AFG1L: variants seen among roughly 807,000 people sequenced by gnomAD.
AFG1L encodes the protein AFG1 like ATPase.
Under a neutral mutation model 62.2 loss-of-function variants are expected in AFG1L, and 53 were observed. The ratio of observed to expected loss-of-function variants is 0.85; its 90% CI spans 0.68 to 1.07. The LOEUF (loss-of-function observed/expected upper bound fraction) is 1.07, where lower values mean the gene tolerates loss of function less well. Ranked by LOEUF, AFG1L falls within the 50% of genes least tolerant of loss-of-function variation. The pLI is 0.00. For missense variants in AFG1L, 555 were observed against 590.5 expected (o/e 0.94, Z 0.62); for synonymous variants, 228 against 210.3 (o/e 1.08, Z -0.73).
intron 10 of AFG1L, among the ~76,000 whole-genome samples, chr6:108,498,835 C>T (rs1289770513): frequency 1.3e-5 from 2 of 151,810 alleles, no homozygotes; most frequent in African/African-American, 4.8e-5. Context: ...ATTAGACAGG[C>T]GTGTGGCATG....
chr6:108,518,037 C>T (rs1774972337), intron 11 of AFG1L, among the ~76,000 whole-genome samples: 1 of 152,188 alleles, frequency 6.6e-6, no homozygotes, highest in African/African-American at 2.4e-5. Flanking sequence ...GAAATAGGAA[C>T]ACTTTACACT....
At chr6:108,322,701 A>G (rs1191913925) in intron 1 of AFG1L, among the ~76,000 whole-genome samples, 1 of 152,228 alleles carries the variant, frequency 6.6e-6, no homozygotes, top group Non-Finnish European at 1.5e-5. Flanking sequence ...TTTTTGCTAA[A>G]GTAATTTTTA....
chr6:108,323,106 C>T (rs924586313), intron 1 of AFG1L, among the ~76,000 whole-genome samples: 9 of 152,130 alleles, frequency 5.9e-5, no homozygotes, highest in Admixed American at 2.6e-4. Context: ...AATTAAGGAA[C>T]AGTGGAAAAC....
intron 5 of AFG1L, among the ~76,000 whole-genome samples, chr6:108,364,942 G>C (rs1779695276): frequency 6.7e-6 from 1 of 150,000 alleles, no homozygotes; most frequent in East Asian, 2.0e-4. Flanking sequence ...GATATTAGCT[G>C]TAAAAAGAAA....
chr6:108,395,828 G>C (rs942074034), intron 6 of AFG1L, among the ~76,000 whole-genome samples: 17 of 151,282 alleles, frequency 1.1e-4, no homozygotes, highest in African/African-American at 4.1e-4. Flanking sequence ...GAGAGAGAGA[G>C]GGAGAGAGAT....
chr6:108,345,565 G>A (rs1419323052), intron 2 of AFG1L, among the ~76,000 whole-genome samples: 1 of 152,070 alleles, frequency 6.6e-6, no homozygotes, highest in Admixed American at 6.6e-5. Flanking sequence ...GCCCAGGCTA[G>A]AGCTCAAACA....
intron 1 of AFG1L, among the ~76,000 whole-genome samples, chr6:108,298,339 C>A (rs932166289): frequency 6.8e-6 from 1 of 147,306 alleles, no homozygotes; most frequent in African/African-American, 2.5e-5. Context: ...GATCTCTGCT[C>A]ATTGCAACCT....
intron 1 of AFG1L, among the ~76,000 whole-genome samples, chr6:108,309,274 G>A (rs1487509290): frequency 6.6e-6 from 1 of 151,728 alleles, no homozygotes; most frequent in Non-Finnish European, 1.5e-5. Flanking sequence ...TTTTTTTTCT[G>A]GGCTACTGCA....
chr6:108,495,124 A>ATAGTCT (rs1011910235), intron 10 of AFG1L, among the ~76,000 whole-genome samples: 5 of 152,148 alleles, frequency 3.3e-5, no homozygotes, highest in Admixed American at 3.3e-4. Context: ...GCACATAAAA[A>ATAGTCT]TAGTCTTAAC....
intron 7 of AFG1L, among the ~76,000 whole-genome samples, chr6:108,412,147 G>A (rs1299416433): frequency 2.0e-5 from 3 of 152,158 alleles, no homozygotes; most frequent in Admixed American, 2.0e-4. Flanking sequence ...ATTTGATCAA[G>A]TGGAAGAAAG....
chr6:108,374,755 T>C (rs2114529911), intron 6 of AFG1L, among the ~76,000 whole-genome samples: 1 of 152,258 alleles, frequency 6.6e-6, no homozygotes, highest in African/African-American at 2.4e-5. Context: ...AGTTTGAAGT[T>C]GGTTAATGTG....
intron 6 of AFG1L, among the ~76,000 whole-genome samples, chr6:108,392,817 A>G (rs1387618294): frequency 1.3e-5 from 2 of 152,120 alleles, no homozygotes; most frequent in African/African-American, 2.4e-5. Flanking sequence ...ACCTCCTTTA[A>G]CAACATGTTT....
intron 2 of AFG1L, among the ~76,000 whole-genome samples, chr6:108,334,998 T>C (rs1022080796): frequency 4.0e-5 from 6 of 151,700 alleles, no homozygotes; most frequent in Non-Finnish European, 5.9e-5. Context: ...TTTCTTTCTT[T>C]CTTTTTTTTT....
intron 10 of AFG1L, among the ~76,000 whole-genome samples, chr6:108,496,075 C>T (rs111397304): frequency 6.6e-6 from 1 of 152,116 alleles, no homozygotes; most frequent in Non-Finnish European, 1.5e-5. Context: ...ATTCATAGGG[C>T]ACAATGCATG....
At chr6:108,424,107 G>T (rs1770715130) in intron 7 of AFG1L, among the ~76,000 whole-genome samples, 3 of 151,818 alleles carry the variant, frequency 2.0e-5, no homozygotes, top group Admixed American at 2.0e-4. Flanking sequence ...TGGTTTCCAT[G>T]ATGTAACAGA....
At chr6:108,385,638 G>T (rs9320263) in intron 6 of AFG1L, among the ~76,000 whole-genome samples, 1 of 151,966 alleles carries the variant, frequency 6.6e-6, no homozygotes, top group Non-Finnish European at 1.5e-5. Context: ...ATTTCTGTAC[G>T]TGTGTCTTTA....
chr6:108,386,307 C>T (rs530477503), intron 6 of AFG1L, among the ~76,000 whole-genome samples: 8 of 151,748 alleles, frequency 5.3e-5, no homozygotes, highest in African/African-American at 1.9e-4. Flanking sequence ...ACCAAAAATA[C>T]AAAATTAGCT....
chr6:108,480,039 A>G (rs997209333), intron 10 of AFG1L, among the ~76,000 whole-genome samples: 1 of 152,210 alleles, frequency 6.6e-6, no homozygotes, highest in African/African-American at 2.4e-5. Flanking sequence ...CATATGCCAT[A>G]AGTAAAATGA....
chr6:108,403,401 C>G (rs529316975), intron 7 of AFG1L, among the ~76,000 whole-genome samples: 5 of 152,234 alleles, frequency 3.3e-5, no homozygotes, highest in African/African-American at 1.2e-4. Context: ...AATTACTGTT[C>G]GTGCCAAACT....
Sources: allele counts gnomAD v4.1 joint callset (sites outside exome capture counted in the v4.1 genomes callset), GRCh38; gene constraint gnomAD v4.1.1; transcripts MANE v1.5; gene names NCBI Gene and HGNC (gene_info 2026-07-23, HGNC 2026-07-21).